Variants in SDK1 observed in about 807,000 individuals in gnomAD.
The protein encoded by SDK1 is sidekick cell adhesion molecule 1, also known as protein sidekick-1.
A neutral mutation model predicts 245.5 loss-of-function variants in SDK1; 157 were observed. That is an observed-to-expected ratio of 0.64 (90% CI 0.56 to 0.73). The LOEUF is 0.73. Ranked by LOEUF, SDK1 falls within the 30% of genes least tolerant of loss-of-function variation. SDK1 has a pLI of 0.00. For missense variants in SDK1, 3,583 were observed against 3,002.3 expected (o/e 1.19, Z -4.52); for synonymous variants, 1,647 against 1,278.5 (o/e 1.29, Z -6.15).
At chr7:4,132,650 C>G (rs916286428) in intron 28 of SDK1, 2 of 436,432 alleles carry the variant, frequency 4.6e-6, no homozygotes, top group Admixed American at 6.6e-5. Context: ...ATCGCTTGAG[C>G]CCAGGAGGTT....
At chr7:4,115,982 G>C (rs1031677862) in intron 25 of SDK1, among the ~76,000 whole-genome samples, 11 of 152,184 alleles carry the variant, frequency 7.2e-5, no homozygotes, top group African/African-American at 2.7e-4. Context: ...TGACGTGGGG[G>C]CACAAGGCCT....
intron 1 of SDK1, among the ~76,000 whole-genome samples, chr7:3,449,406 A>T (rs1200754535): frequency 6.6e-6 from 1 of 151,238 alleles, no homozygotes; most frequent in Non-Finnish European, 1.5e-5. Context: ...TATTGGATTT[A>T]GCTGCCATTA....
At chr7:3,434,809 G>C (rs1428020868) in intron 1 of SDK1, among the ~76,000 whole-genome samples, 4 of 152,016 alleles carry the variant, frequency 2.6e-5, no homozygotes, top group South Asian at 2.1e-4. Flanking sequence ...GAATCATGGG[G>C]GGGGACAGAG....
intron 4 of SDK1, among the ~76,000 whole-genome samples, chr7:3,772,670 T>G (rs1017269545): frequency 6.6e-6 from 1 of 152,216 alleles, no homozygotes; most frequent in Non-Finnish European, 1.5e-5. Flanking sequence ...ACTGAAATCT[T>G]TATTTCTTCA....
chr7:3,397,807 AC>A (rs1403103227), intron 1 of SDK1, among the ~76,000 whole-genome samples: 1 of 151,902 alleles, frequency 6.6e-6, no homozygotes, highest in African/African-American at 2.4e-5. Context: ...TACATTACCC[AC>A]CTCTTCTTGC....
chr7:3,800,500 G>T (rs1779081133), intron 4 of SDK1, among the ~76,000 whole-genome samples: 1 of 151,934 alleles, frequency 6.6e-6, no homozygotes, highest in Non-Finnish European at 1.5e-5. Flanking sequence ...TCCTGCCTCA[G>T]CCTTCCAAGT....
intron 1 of SDK1, among the ~76,000 whole-genome samples, chr7:3,409,507 C>A (rs1779143453): frequency 6.6e-6 from 1 of 152,096 alleles, no homozygotes; most frequent in Non-Finnish European, 1.5e-5. Flanking sequence ...AAATTTTATA[C>A]AAATTACACC....
At chr7:3,672,781 AT>A (rs1583293700) in intron 4 of SDK1, among the ~76,000 whole-genome samples, 1 of 102,324 alleles carries the variant, frequency 9.8e-6, no homozygotes, top group Admixed American at 1.1e-4. Flanking sequence ...ATATATATAT[AT>A]ATATATATAT....
rs933874974 is a variant in SDK1 at position 3,951,843 on chromosome 7, G to C, written c.1073G>C (p.Gly358Ala). Residue 358 changes from glycine (G) to alanine (A), a missense_variant, in exon 7 of 45, where the codon GGG becomes GCG. Transcript: ENST00000404826. ...TISNPTSADT[G>A]PYVCEAALPG... is the part of the protein sequence containing the mutation. ...AGCAACCCGACGTCCGCGGACACCG[G>C]GCCATACGTCTGCGAGGCGGCGCTG... is the stretch of plus-strand genomic sequence containing the variant. The C allele has an allele frequency of 1.9e-6, 3 of 1,613,704 alleles. No homozygotes were observed. In the African/African-American group the frequency reaches 4.0e-5, roughly 22 times the overall value.
intron 18 of SDK1, among the ~76,000 whole-genome samples, chr7:4,050,998 G>A (rs1025028763): frequency 5.0e-5 from 7 of 138,974 alleles, no homozygotes; most frequent in Admixed American, 3.7e-4. Flanking sequence ...TGTTATATAT[G>A]TTATATATAG....
chr7:4,215,724 A>G (rs1784759310), intron 38 of SDK1, among the ~76,000 whole-genome samples: 1 of 152,170 alleles, frequency 6.6e-6, no homozygotes, highest in African/African-American at 2.4e-5. Flanking sequence ...GCCGTGCATG[A>G]GAGAGGTACA....
chr7:3,987,993 T>A (rs1784001435), intron 14 of SDK1, among the ~76,000 whole-genome samples: 1 of 152,058 alleles, frequency 6.6e-6, no homozygotes, highest in Non-Finnish European at 1.5e-5. Context: ...GTGGCATATT[T>A]TCCTTGATGA....
At position 3,593,225 on chromosome 7, in the gene SDK1, T is replaced by C. The variant is rs373959671; in HGVS notation, c.299-25855T>C. 1.6e-4 allele frequency among the ~76,000 whole-genome samples: 25 copies of C among 152,332 alleles called. No individual in the cohort carries two copies. The South Asian group carries it at 5.0e-3, about 30-fold the overall frequency. On this transcript the variant is annotated intron_variant, in intron 1 of 44. Transcript: ENST00000404826. ...GCAGCAGCCCTTTTCTCAGCACCTCTGGACTTTTGAAAAGTGGCCTTTTGT... is the reference window on the plus strand; with the variant it reads ...GCAGCAGCCCTTTTCTCAGCACCTCCGGACTTTTGAAAAGTGGCCTTTTGT...
chr7:3,368,509 A>G (rs1265141615), intron 1 of SDK1, among the ~76,000 whole-genome samples: 3 of 152,198 alleles, frequency 2.0e-5, no homozygotes, highest in African/African-American at 7.2e-5. Flanking sequence ...AGTGAAAATG[A>G]TAACTTTATA....
At chr7:3,906,486 A>C (rs544169654) in intron 5 of SDK1, among the ~76,000 whole-genome samples, 2 of 151,866 alleles carry the variant, frequency 1.3e-5, no homozygotes, top group African/African-American at 2.4e-5. Flanking sequence ...TGCTCCCTGA[A>C]CTGTGCCTTA....
intron 1 of SDK1, among the ~76,000 whole-genome samples, chr7:3,574,939 C>G (rs945456059): frequency 6.6e-6 from 1 of 152,002 alleles, no homozygotes; most frequent in Non-Finnish European, 1.5e-5. Context: ...GTGGGAGCCT[C>G]TTGGTAGCTG....
At chr7:3,318,443 TGTAAA>T (rs1779716128) in intron 1 of SDK1, among the ~76,000 whole-genome samples, 1 of 152,214 alleles carries the variant, frequency 6.6e-6, no homozygotes, top group African/African-American at 2.4e-5. Flanking sequence ...AGATAATGTA[TGTAAA>T]GTATTTAGCA....
At chr7:3,827,537 C>G (rs1043544937) in intron 5 of SDK1, among the ~76,000 whole-genome samples, 1 of 152,320 alleles carries the variant, frequency 6.6e-6, no homozygotes, top group African/African-American at 2.4e-5. Context: ...TTTTATAAAT[C>G]AGGTGTTTTC....
At chr7:4,200,389 C>A (rs75721111) in intron 35 of SDK1, among the ~76,000 whole-genome samples, 23,970 of 152,218 alleles carry the variant, frequency 0.16, 1,917 homozygotes, top group Middle Eastern at 0.2. Context: ...GCAAATGATC[C>A]CAGTATAGCA....
Sources: gnomAD v4.1 joint callset for allele counts (sites outside exome capture counted in the v4.1 genomes callset) on GRCh38, gnomAD v4.1.1 for gene constraint, MANE v1.5 for transcripts, NCBI Gene and HGNC (gene_info 2026-07-23, HGNC 2026-07-21) for gene names.